The following RALYL variants were observed in gnomAD, a reference collection of about 807,000 sequenced individuals.
RALYL encodes RALY RNA binding protein like.
In RALYL, 29 loss-of-function variants were observed where a neutral mutation model predicts 35.1. That is an observed-to-expected ratio of 0.83 (90% CI 0.61 to 1.13). RALYL has a LOEUF of 1.13. Among genes scored for constraint, RALYL ranks in the 50% most tolerant of loss-of-function variants. The pLI is 0.00. For missense variants in RALYL, 359 were observed against 360.4 expected (o/e 1.00, Z 0.03); for synonymous variants, 120 against 127.6 (o/e 0.94, Z 0.40).
chr8:84,626,993 A>C (rs934893537), intron 2 of RALYL, among the ~76,000 whole-genome samples: 4 of 152,276 alleles, frequency 2.6e-5, no homozygotes, highest in Middle Eastern at 3.4e-3. Flanking sequence ...TTCTAGACAA[A>C]GAAAAAATTA....
chr8:84,733,158 G>A (rs1413991222), intron 2 of RALYL, among the ~76,000 whole-genome samples: 1 of 152,058 alleles, frequency 6.6e-6, no homozygotes, highest in Non-Finnish European at 1.5e-5. Context: ...GCTTACTGCT[G>A]TCAGGTAAAT....
intron 1 of RALYL, among the ~76,000 whole-genome samples, chr8:84,394,810 A>T (rs997872811): frequency 2.0e-5 from 3 of 151,866 alleles, no homozygotes; most frequent in Non-Finnish European, 4.4e-5. Context: ...AGTTCCAAAT[A>T]TTTTTTCCCA....
At chr8:84,470,019 A>ACTGACCTGC (rs2052480593) in intron 1 of RALYL, among the ~76,000 whole-genome samples, 1 of 152,130 alleles carries the variant, frequency 6.6e-6, no homozygotes, top group Admixed American at 6.5e-5. Flanking sequence ...GCGCGCACCC[A>ACTGACCTGC]CTGACCTGCG....
intron 1 of RALYL, among the ~76,000 whole-genome samples, chr8:84,432,367 G>A (rs2047235892): frequency 6.6e-6 from 1 of 152,090 alleles, no homozygotes; most frequent in African/African-American, 2.4e-5. Context: ...GTGGTTGCCA[G>A]GAGTTGAGGG....
chr8:84,671,239 CTG>C (rs1833162426), intron 2 of RALYL, among the ~76,000 whole-genome samples: 1 of 152,166 alleles, frequency 6.6e-6, no homozygotes, highest in Non-Finnish European at 1.5e-5. Context: ...AGCTCTGTCT[CTG>C]TGGCTTTGCG....
chr8:84,901,655 C>A (rs956519280), intron 8 of RALYL, among the ~76,000 whole-genome samples: 1 of 152,040 alleles, frequency 6.6e-6, no homozygotes, highest in African/African-American at 2.4e-5. Flanking sequence ...GAAAGACTGG[C>A]ATACTAAGTA....
intron 1 of RALYL, among the ~76,000 whole-genome samples, chr8:84,456,348 C>G (rs949854750): frequency 1.4e-4 from 21 of 151,936 alleles, no homozygotes; most frequent in Non-Finnish European, 1.5e-5. Context: ...ACTGTTATAC[C>G]AACAGGAAGC....
intron 1 of RALYL, among the ~76,000 whole-genome samples, chr8:84,253,401 C>G (rs2131705722): frequency 6.7e-6 from 1 of 149,272 alleles, no homozygotes; most frequent in African/African-American, 2.5e-5. Flanking sequence ...GGGTTTTCAC[C>G]ATGTTGGCCA....
At chr8:84,623,771 G>A (rs1465515300) in intron 2 of RALYL, among the ~76,000 whole-genome samples, 2 of 152,062 alleles carry the variant, frequency 1.3e-5, no homozygotes. Context: ...CAAATATGCT[G>A]TGGGAAAAAA....
intron 1 of RALYL, among the ~76,000 whole-genome samples, chr8:84,469,871 C>G (rs948661686): frequency 6.6e-6 from 1 of 152,170 alleles, no homozygotes; most frequent in Non-Finnish European, 1.5e-5. Flanking sequence ...GTCGGAAAAG[C>G]GCAGTATTCG....
intron 5 of RALYL, among the ~76,000 whole-genome samples, chr8:84,851,938 T>C (rs1451709320): frequency 2.6e-5 from 4 of 152,372 alleles, no homozygotes; most frequent in Non-Finnish European, 4.4e-5. Context: ...TTCCCCCACC[T>C]GAACAATGTT....
At chr8:84,468,039 C>G (rs1286774590) in intron 1 of RALYL, among the ~76,000 whole-genome samples, 1 of 146,790 alleles carries the variant, frequency 6.8e-6, no homozygotes, top group Admixed American at 6.9e-5. Context: ...ATGTGTGTCT[C>G]TGCATGTGAG....
At chr8:84,249,939 A>T (rs565768994) in intron 1 of RALYL, among the ~76,000 whole-genome samples, 1 of 151,988 alleles carries the variant, frequency 6.6e-6, no homozygotes, top group African/African-American at 2.4e-5. Flanking sequence ...AGATATAAAA[A>T]GGTGATTTTT....
chr8:84,246,417 A>G (rs1219625490), intron 1 of RALYL, among the ~76,000 whole-genome samples: 1 of 152,202 alleles, frequency 6.6e-6, no homozygotes, highest in African/African-American at 2.4e-5. Flanking sequence ...ATTTTCAAGG[A>G]AGAAACTTAC....
chr8:84,566,964 C>A (rs2061825279), intron 2 of RALYL, among the ~76,000 whole-genome samples: 1 of 151,652 alleles, frequency 6.6e-6, no homozygotes, highest in African/African-American at 2.4e-5. Flanking sequence ...AATTTTTCTA[C>A]CAGCTTATCC....
At chr8:84,580,868 GT>G (rs35101771) in intron 2 of RALYL, among the ~76,000 whole-genome samples, 31,599 of 152,050 alleles carry the variant, frequency 0.21, 3,395 homozygotes, top group Non-Finnish European at 0.23. Context: ...GAGGTGACAT[GT>G]TTCTGCTCCA....
chr8:84,607,628 G>T (rs944471978), intron 2 of RALYL, among the ~76,000 whole-genome samples: 2 of 152,044 alleles, frequency 1.3e-5, no homozygotes, highest in East Asian at 3.9e-4. Flanking sequence ...GAGTAATTCG[G>T]TCCACTTGGG....
chr8:84,727,400 A>T (rs1845171393), intron 2 of RALYL, among the ~76,000 whole-genome samples: 1 of 152,168 alleles, frequency 6.6e-6, no homozygotes, highest in African/African-American at 2.4e-5. Context: ...ATCAAAAAAC[A>T]AAACAACAAA....
At chr8:84,560,188 A>C (rs888934695) in intron 2 of RALYL, among the ~76,000 whole-genome samples, 1 of 152,004 alleles carries the variant, frequency 6.6e-6, no homozygotes, top group Non-Finnish European at 1.5e-5. Flanking sequence ...GATTATAAGG[A>C]GAGAGTGTCC....
Sources: allele counts gnomAD v4.1 joint callset (sites outside exome capture counted in the v4.1 genomes callset), GRCh38; gene constraint gnomAD v4.1.1; transcripts MANE v1.5; gene names NCBI Gene and HGNC (gene_info 2026-07-23, HGNC 2026-07-21).